MYH11: variants seen among roughly 807,000 people sequenced by gnomAD.
The protein encoded by MYH11 is myosin heavy chain 11.
In MYH11, 80 loss-of-function variants were observed where a neutral mutation model predicts 246.6. The ratio of observed to expected loss-of-function variants is 0.32; its 90% CI spans 0.27 to 0.39. The LOEUF is 0.39. MYH11 is among the 10% of genes least tolerant of loss of function. MYH11 has a pLI of 1.00. For missense variants in MYH11, 2,158 were observed against 2,546.8 expected, an observed-to-expected ratio of 0.85 and a Z score of 3.29; for synonymous variants, 1,071 against 1,015.5, an observed-to-expected ratio of 1.05 and a Z score of -1.04.
chr16:15,712,830 T>TCTG (rs1371487792), intron 40 of MYH11: 3 of 148,498 alleles, frequency 2.0e-5, no homozygotes, highest in East Asian at 4.0e-4. Flanking sequence ...ATGGGAGGCT[T>TCTG]CTGGGAGAGT....
At chr16:15,724,587 G>A (rs995684445) in intron 30 of MYH11, 60 bp downstream of exon 30, 43 of 1,610,772 alleles carry the variant, frequency 2.7e-5, no homozygotes, top group Non-Finnish European at 3.6e-5. Flanking sequence ...GCCTGCGGGG[G>A]ATCTCAGCGC....
chr16:15,742,516 C>T (rs116578821), intron 20 of MYH11, among the ~76,000 whole-genome samples: 2,288 of 152,138 alleles, frequency 0.015, 54 homozygotes, highest in African/African-American at 0.052. Flanking sequence ...CCGAGGCAAG[C>T]GCTTGAGCCC....
At chr16:15,740,870 T>G (rs1281953171) in intron 22 of MYH11, among the ~76,000 whole-genome samples, 1 of 152,200 alleles carries the variant, frequency 6.6e-6, no homozygotes, top group African/African-American at 2.4e-5. Context: ...CATTGCGGCT[T>G]CCTTTCTCCT....
chr16:15,721,654 G>A lies in MYH11; in HGVS notation c.4366-20C>T, dbSNP rs569459815. 1 of 1,613,534 alleles carries A rather than the reference G, an allele frequency of 6.2e-7. No homozygotes were observed. The highest frequency in any genetic ancestry group is 1.7e-5 in the Admixed American group (1 of 60,020). The stretch of plus-strand genomic sequence containing the variant: ...TAACAACTACAACACAAGACCCAGA[G>A]GTGACTTCTAGGCATATCCGGGGTC... On this transcript the variant is annotated intron_variant, in intron 31 of 40. Coordinates refer to ENST00000300036, the MANE Select transcript of MYH11 (RefSeq NM_002474.3).
chr16:15,724,291 GC>G lies in MYH11; in HGVS notation c.4234del (p.Ala1412ArgfsTer46). 1 of 1,614,130 alleles carries G rather than the reference GC, an allele frequency of 6.2e-7. No individual in the cohort carries two copies. The highest frequency in any genetic ancestry group is 2.2e-5 in the East Asian group (1 of 44,884). On this transcript the variant is annotated frameshift_variant, in exon 31 of 41. Transcript: ENST00000300036. LOFTEE classifies it high-confidence loss of function. ...ENLTQQYEEK[A>X]AAYDKLEKTK... ...CTTTTCCAGTTTATCATAAGCGGCC[GC>G]CTTCTCCTCGTACTGCTGGGTGAGG...
In MYH11 at chr16:15,838,136, G is replaced by A. The variant is rs1307870895; in HGVS notation, c.117C>T (p.Pro39=). 1 of 1,614,106 alleles carries A rather than the reference G, an allele frequency of 6.2e-7. No homozygotes were observed. Among genetic ancestry groups the A allele is most frequent in the Non-Finnish European group, 8.5e-7 (1 of 1,180,012 alleles). The change falls in exon 2 of 41, where the codon CCC becomes CCT. Residue 39 remains proline, a synonymous_variant. Coordinates refer to ENST00000300036, the MANE Select transcript of MYH11 (RefSeq NM_002474.3). The part of the protein sequence containing the change: ...DWAAKRLVWV[P]SEKQGFEAAS... ...CTGCCTCGAAGCCCTGCTTCTCCGA[G>A]GGGACCCAGACGAGTCTCTTGGCGG...
In MYH11 at chr16:15,737,436, C is replaced by A. The variant is rs1484128905; in HGVS notation, c.3293+13G>T. 6.2e-7 allele frequency: 1 copy of A among 1,610,182 alleles called. No individual in the cohort carries two copies. The highest frequency in any genetic ancestry group is 2.2e-5 in the East Asian group (1 of 44,888). On this transcript the variant is annotated intron_variant, in intron 25 of 40. Transcript: ENST00000300036. ...ATGGACACACAGCAAATGCCCCTTG[C>A]CAGCCCCGCTACCTGGCCAGGGCCG...
chr16:15,710,748 C>T (rs537563299), intron 40 of MYH11, among the ~76,000 whole-genome samples: 2 of 151,984 alleles, frequency 1.3e-5, no homozygotes, highest in Non-Finnish European at 2.9e-5. Context: ...TTGATCTTGG[C>T]TCACTGCAGG....
At chr16:15,783,282 T>G (rs1022411443) in intron 5 of MYH11, 4 of 152,402 alleles carry the variant, frequency 2.6e-5, no homozygotes, top group Non-Finnish European at 4.4e-5. Context: ...CTCCAGGCCC[T>G]GGATTCTGGG....
chr16:15,812,441 G>A (rs1222680672), intron 3 of MYH11, among the ~76,000 whole-genome samples: 3 of 150,760 alleles, frequency 2.0e-5, no homozygotes, highest in African/African-American at 7.3e-5. Flanking sequence ...TTTAGGCTGG[G>A]CACGGTGGCT....
intron 36 of MYH11, 54 bp downstream of exon 36, chr16:15,719,166 G>T: frequency 6.5e-7 from 1 of 1,530,880 alleles, no homozygotes; most frequent in Non-Finnish European, 9.0e-7. Flanking sequence ...CGAGGATGCT[G>T]CCTGTCCCCC....
At chr16:15,855,916 C>T (rs537940205) in intron 1 of MYH11, among the ~76,000 whole-genome samples, 1 of 152,340 alleles carries the variant, frequency 6.6e-6, no homozygotes, top group Admixed American at 6.5e-5. Flanking sequence ...CTAAACACTC[C>T]CACCTTGGGT....
rs1338996385 is a variant in MYH11 at position 15,753,471 on chromosome 16, A to G, written c.1787T>C (p.Met596Thr). The change falls in exon 15 of 41, where the codon ATG (methionine) becomes ACG (threonine). Residue 596 changes from methionine to threonine, a missense_variant. Transcript: ENST00000300036. ...YNASAWLTKN[M>T]DPLNDNVTSL... ...AGTCACGTTGTCATTCAGCGGGTCC[A>G]TATTCTTGGTCAGCCAGGCACTCGC... 1 of 1,614,026 alleles carries G rather than the reference A, an allele frequency of 6.2e-7. No individual in the cohort carries two copies. Among genetic ancestry groups the G allele is most frequent in the Non-Finnish European group, 8.5e-7 (1 of 1,180,030 alleles).
In MYH11 at chr16:15,795,666, G is replaced by A. The variant is rs138258356; in HGVS notation, c.530+2994C>T. Among the ~76,000 whole-genome samples, 978 of 152,292 alleles carry A rather than the reference G, an allele frequency of 6.4e-3. 11 individuals are homozygous for A. The highest frequency in any genetic ancestry group is 0.022 in the African/African-American group (931 of 41,566). ...CTGCAAGATGGATACTGGATTGCAG[G>A]AAGGATTTTTAAAAAATAGTGAGCA... is the stretch of plus-strand genomic sequence containing the variant. On this transcript the variant is annotated intron_variant, in intron 4 of 40. Coordinates refer to ENST00000300036, the MANE Select transcript of MYH11 (RefSeq NM_002474.3).
chr16:15,786,049 C>T (rs1596835443), intron 5 of MYH11: 1 of 252,980 alleles, frequency 4.0e-6, no homozygotes, highest in South Asian at 5.3e-5. Flanking sequence ...ATACCAGCAT[C>T]TCCATCCCAG....
chr16:15,769,508 A>C (rs2042052358), intron 9 of MYH11, among the ~76,000 whole-genome samples: 1 of 150,676 alleles, frequency 6.6e-6, no homozygotes, highest in South Asian at 2.1e-4. Context: ...GGCTCACTGC[A>C]GCTTCGACCT....
At chr16:15,721,296 C>A (rs1596720427) in intron 32 of MYH11, 126 bp downstream of exon 32, 1 of 1,191,926 alleles carries the variant, frequency 8.4e-7, no homozygotes, top group South Asian at 1.3e-5. Flanking sequence ...GTCCAAAAAC[C>A]TCCTTCCATT....
At chr16:15,788,023 C>T (rs1231714304) in intron 4 of MYH11, among the ~76,000 whole-genome samples, 2 of 142,618 alleles carry the variant, frequency 1.4e-5, no homozygotes, top group South Asian at 2.2e-4. Context: ...TAGATCAGCA[C>T]GACATGGTTT....
chr16:15,832,128 G>T (rs898761374), intron 2 of MYH11, among the ~76,000 whole-genome samples: 2 of 152,086 alleles, frequency 1.3e-5, no homozygotes, highest in South Asian at 2.1e-4. Flanking sequence ...TGCTGGGCCA[G>T]GTCTCTAAGG....
Sources: allele counts gnomAD v4.1 joint callset (sites outside exome capture counted in the v4.1 genomes callset), GRCh38; gene constraint gnomAD v4.1.1; transcripts MANE v1.5; gene names NCBI Gene and HGNC (gene_info 2026-07-23, HGNC 2026-07-21).